Variants in EOGT observed in about 807,000 individuals in gnomAD.
EOGT encodes the protein EGF domain specific O-linked N-acetylglucosamine transferase.
In EOGT, 55 loss-of-function variants were observed where a neutral mutation model predicts 70.5. The observed-to-expected ratio is 0.78, with a 90% CI of 0.63 to 0.98. The LOEUF is 0.98. Among genes scored for constraint, EOGT ranks in the 50% least tolerant of loss-of-function variants. The pLI is 0.00. For synonymous variants in EOGT, 246 were observed against 217.1 expected, an observed-to-expected ratio of 1.13 and a Z score of -1.17; for missense variants, 703 against 641.9, an observed-to-expected ratio of 1.10 and a Z score of -1.03.
chr3:68,990,677 G>A (rs2090970172), intron 10 of EOGT, among the ~76,000 whole-genome samples: 1 of 152,012 alleles, frequency 6.6e-6, no homozygotes, highest in Non-Finnish European at 1.5e-5. Context: ...AGTTGATTAT[G>A]AGCTCCATTA....
intron 10 of EOGT, among the ~76,000 whole-genome samples, chr3:68,989,992 T>A (rs2090940815): frequency 1.3e-5 from 2 of 151,880 alleles, no homozygotes; most frequent in Non-Finnish European, 2.9e-5. Context: ...CTATGAAATA[T>A]CCCCCCACCC....
At position 69,004,394 on chromosome 3, in the gene EOGT, T is replaced by C. The variant is rs141015395; in HGVS notation, c.604A>G (p.Ser202Gly). 6.2e-7 allele frequency: 1 copy of C among 1,613,396 alleles called. No individual in the cohort carries two copies. ...ATATCTTACCATGACTGCAGAGGGCTTTTGCGCTGACCTTCAGACGTCAAT... is the reference window on the plus strand; with the variant it reads ...ATATCTTACCATGACTGCAGAGGGCCTTTGCGCTGACCTTCAGACGTCAAT... ...RTLTSEGQRK[S>G]PLQSWFAELQ... The change falls in exon 8 of 18, where the codon AGC (serine) becomes GGC (glycine). Residue 202 changes from serine to glycine, a missense_variant. Physicochemically the swap from Ser to Gly is moderately conservative, Grantham distance 56 (BLOSUM62 0). Coordinates refer to ENST00000383701, the MANE Select transcript of EOGT (RefSeq NM_001278689.2).
In EOGT at chr3:69,004,467, A is replaced by G; in HGVS notation, c.531T>C (p.Phe177=). The G allele has an allele frequency of 1.2e-6, 2 of 1,613,536 alleles. No homozygotes were observed. Among genetic ancestry groups the G allele is most frequent in the Non-Finnish European group, 1.7e-6 (2 of 1,179,448 alleles). ...KRNHDRFKED[F]FQSGEIGGHC... is the part of the protein sequence containing the mutation. The stretch of plus-strand genomic sequence containing the variant: ...GCCCTCCAATTTCACCACTCTGGAA[A>G]AAGTCCTCCTTAAATCTGGTATATA... Residue 177 remains phenylalanine, a synonymous_variant, in exon 8 of 18, where the codon TTT becomes TTC. Coordinates refer to ENST00000383701, the MANE Select transcript of EOGT (RefSeq NM_001278689.2).
At chr3:69,005,294 G>T (rs991402971) in intron 6 of EOGT, 60 bp from the exon 7 acceptor site, 9 of 917,028 alleles carry the variant, frequency 9.8e-6, no homozygotes, top group Middle Eastern at 2.2e-4. Context: ...AGACTCATCC[G>T]GACTTGCTAG....
intron 6 of EOGT, 66 bp from the exon 7 acceptor site, chr3:69,005,300 G>T (rs1480744975): frequency 3.5e-6 from 3 of 858,292 alleles, no homozygotes; most frequent in East Asian, 2.5e-5. Flanking sequence ...ATCCGGACTT[G>T]CTAGACACAC....
chr3:68,988,756 T>A, intron 11 of EOGT, 169 bp downstream of exon 11: 1 of 644,932 alleles, frequency 1.6e-6, no homozygotes, highest in Admixed American at 3.3e-5. Flanking sequence ...AAAAAACTTT[T>A]CAAAGGCTGC....
At chr3:68,978,536 C>T in intron 16 of EOGT, 101 bp from the exon 17 acceptor site, 1 of 704,886 alleles carries the variant, frequency 1.4e-6, no homozygotes, top group Middle Eastern at 2.5e-4. Context: ...TATGTCCTTG[C>T]AAAAGGTTGT....
chr3:68,996,662 GC>G (rs1341195329), intron 10 of EOGT, among the ~76,000 whole-genome samples: 3 of 152,176 alleles, frequency 2.0e-5, no homozygotes, highest in African/African-American at 4.8e-5. Context: ...TTGTCTCCTT[GC>G]ACCTGAGCTG....
intron 6 of EOGT, 110 bp downstream of exon 6, chr3:69,007,603 G>A (rs1220078510): frequency 1.9e-5 from 10 of 524,118 alleles, no homozygotes; most frequent in Admixed American, 9.5e-5. Context: ...AGTGAGCTGG[G>A]ATCGCGCCAC....
In EOGT at chr3:68,975,843, G is replaced by A. The variant is rs1198830944; in HGVS notation, c.*1775C>T. On this transcript the variant is annotated 3_prime_UTR_variant, in exon 18 of 18. Coordinates refer to ENST00000383701, the MANE Select transcript of EOGT (RefSeq NM_001278689.2). ...AAGTGGGGGTCAGCAAACGTCTTCT[G>A]TAAAGGTCCAGATATTTTGTTTTGT... is the stretch of plus-strand genomic sequence containing the variant. 4 of 152,258 alleles carry A rather than the reference G, an allele frequency of 2.6e-5. No homozygotes were observed. In the East Asian group the frequency reaches 7.7e-4, roughly 29 times the overall value. The allele number at this position is 152,258 out of a possible 1,614,324, so 9.4% of individuals were successfully genotyped here.
At chr3:68,994,440 T>A (rs1403623569) in intron 10 of EOGT, among the ~76,000 whole-genome samples, 1 of 152,198 alleles carries the variant, frequency 6.6e-6, no homozygotes, top group Admixed American at 6.5e-5. Context: ...TTTTAAAAAC[T>A]TCACATACTT....
chr3:68,987,432 AC>A lies in EOGT; in HGVS notation c.1152+12del. 3.1e-6 allele frequency: 5 copies of A among 1,600,588 alleles called. No individual in the cohort carries two copies. Among genetic ancestry groups the A allele is most frequent in the Non-Finnish European group, 4.3e-6 (5 of 1,169,164 alleles). ...GAATATGAAGGCATTAAAAATGCAT[AC>A]CAAAAACTAACCTCATTTTGGTTAA... On this transcript the variant is annotated intron_variant, in intron 14 of 17. Coordinates refer to ENST00000383701, the MANE Select transcript of EOGT (RefSeq NM_001278689.2).
intron 10 of EOGT, among the ~76,000 whole-genome samples, chr3:68,996,531 G>T (rs1352345025): frequency 2.0e-5 from 3 of 152,212 alleles, no homozygotes; most frequent in African/African-American, 7.2e-5. Context: ...CCTGGAACCA[G>T]GCATGTCTCT....
intron 3 of EOGT, among the ~76,000 whole-genome samples, chr3:69,011,190 G>GTTTTTTT (rs1213681341): frequency 3.4e-4 from 3 of 8,820 alleles, no homozygotes; most frequent in Non-Finnish European, 7.6e-4. Context: ...TGGGATCTTT[G>GTTTTTTT]TTCTTTTTTT....
chr3:69,002,873 G>A (rs899186789), intron 8 of EOGT, among the ~76,000 whole-genome samples: 2 of 152,152 alleles, frequency 1.3e-5, no homozygotes, highest in African/African-American at 4.8e-5. Context: ...TCATCATGTT[G>A]CTCAGGCTGG....
intron 4 of EOGT, 69 bp from the exon 5 acceptor site, chr3:69,008,597 T>C: frequency 3.6e-6 from 4 of 1,117,604 alleles, no homozygotes; most frequent in Non-Finnish European, 5.4e-6. Context: ...ATTTTTCCAT[T>C]AAGAAAACAA....
intron 10 of EOGT, among the ~76,000 whole-genome samples, chr3:68,997,158 T>C (rs914975727): frequency 3.9e-5 from 6 of 152,050 alleles, no homozygotes; most frequent in African/African-American, 1.4e-4. Flanking sequence ...TAAAAACAAA[T>C]AAATAGCAGG....
At chr3:68,985,111 CAAT>C (rs1400706392) in intron 14 of EOGT, among the ~76,000 whole-genome samples, 2 of 152,190 alleles carry the variant, frequency 1.3e-5, no homozygotes, top group Non-Finnish European at 2.9e-5. Context: ...AAGGAGCACA[CAAT>C]AATATGCTTG....
intron 8 of EOGT, among the ~76,000 whole-genome samples, chr3:69,002,419 A>G (rs989514320): frequency 6.6e-6 from 1 of 152,232 alleles, no homozygotes; most frequent in Non-Finnish European, 1.5e-5. Context: ...AGCAACTAAT[A>G]CAATTATGCC....
Sources: gnomAD v4.1 joint callset for allele counts (sites outside exome capture counted in the v4.1 genomes callset) on GRCh38, gnomAD v4.1.1 for gene constraint, MANE v1.5 for transcripts, NCBI Gene and HGNC (gene_info 2026-07-23, HGNC 2026-07-21) for gene names.